SYT9: variants seen among roughly 807,000 people sequenced by gnomAD.
SYT9 encodes the protein synaptotagmin-9.
SYT9 carries 22 observed loss-of-function variants against 48.4 expected under a neutral mutation model. The observed-to-expected ratio is 0.45, with a 90% CI of 0.32 to 0.65. SYT9 has a LOEUF of 0.65. Ranked by LOEUF, SYT9 falls within the 30% of genes least tolerant of loss-of-function variation. The pLI is 0.03. For synonymous variants in SYT9, 265 were observed against 245.0 expected (o/e 1.08, Z -0.76); for missense variants, 577 against 622.0 (o/e 0.93, Z 0.77).
intron 3 of SYT9, among the ~76,000 whole-genome samples, chr11:7,407,167 A>T (rs992720117): frequency 6.6e-6 from 1 of 151,938 alleles, no homozygotes; most frequent in Admixed American, 6.6e-5. Flanking sequence ...CACTCTGTTG[A>T]TTGTTTCCTT....
At chr11:7,362,478 T>C (rs1442805389) in intron 3 of SYT9, among the ~76,000 whole-genome samples, 2 of 152,082 alleles carry the variant, frequency 1.3e-5, no homozygotes, top group Admixed American at 1.3e-4. Context: ...AAATGGTCAC[T>C]GATCATCCTT....
intron 1 of SYT9, among the ~76,000 whole-genome samples, chr11:7,282,841 AC>A (rs1421906508): frequency 6.6e-6 from 1 of 152,100 alleles, no homozygotes; most frequent in Non-Finnish European, 1.5e-5. Context: ...TCTTTAAATT[AC>A]ATTTAACTTC....
rs931505679 is a variant in SYT9, at chr11:7,468,342, G to C, written c.*1542G>C. On this transcript the variant is annotated 3_prime_UTR_variant, in exon 7 of 7. Transcript: ENST00000318881. ...CTACTTTGATGGCAGATCTAAGAAG[G>C]CTATAGGCCTTTGTTTGTAGGAAGC... 2.5e-6 allele frequency: 1 copy of C among 398,502 alleles called. No individual in the cohort carries two copies. Among genetic ancestry groups the C allele is most frequent in the Non-Finnish European group, 4.4e-6 (1 of 226,062 alleles). 24.7% of individuals were successfully genotyped at this position (398,502 alleles called of 1,614,324 possible). A position where few individuals can be genotyped will look rare whatever the true frequency, so the allele number is the denominator to read the frequency against.
In SYT9 at chr11:7,252,420, C is replaced by G; in HGVS notation, c.145+89C>G. On this transcript the variant is annotated intron_variant, in intron 1 of 6. Transcript: ENST00000318881. The surrounding 1 kb of genome is among the most constrained non-coding windows in gnomAD (Gnocchi z 6.3). ...CGGGGCCTGAGGCAGAACAGCGACG[C>G]GGACTGGGAGAGGGCGGGGGGCGGC... is the stretch of plus-strand genomic sequence containing the variant. 7.6e-7 allele frequency: 1 copy of G among 1,314,712 alleles called. No homozygotes were observed. Among genetic ancestry groups the G allele is most frequent in the Non-Finnish European group, 9.7e-7 (1 of 1,026,942 alleles). The allele number at this position is 1,314,712 out of a possible 1,614,324, so 81.4% of individuals were successfully genotyped here.
intron 6 of SYT9, among the ~76,000 whole-genome samples, chr11:7,454,656 C>A (rs906920553): frequency 2.6e-5 from 4 of 152,194 alleles, no homozygotes; most frequent in African/African-American, 9.7e-5. Context: ...CATTGTTATG[C>A]AGAATAACAC....
intron 1 of SYT9, among the ~76,000 whole-genome samples, chr11:7,244,865 A>G (rs1353569066): frequency 6.6e-6 from 1 of 152,226 alleles, no homozygotes; most frequent in Non-Finnish European, 1.5e-5. Flanking sequence ...TGGCATGTTG[A>G]GATGCTGTAA....
chr11:7,415,822 G>A (rs1023348706), intron 3 of SYT9, among the ~76,000 whole-genome samples: 1 of 152,150 alleles, frequency 6.6e-6, no homozygotes, highest in African/African-American at 2.4e-5. Flanking sequence ...TTACAGCTTT[G>A]CCATCCAAAG....
chr11:7,278,825 G>T (rs942766159), intron 1 of SYT9, among the ~76,000 whole-genome samples: 1 of 152,158 alleles, frequency 6.6e-6, no homozygotes, highest in African/African-American at 2.4e-5. Context: ...TAATACTGAT[G>T]AGCACAAATG....
In SYT9 at chr11:7,416,201, T is replaced by C. The variant is rs1225514725; in HGVS notation, c.1165+39T>C. ...AAATTCAGACTTCCTCATGCACTTC[T>C]ACTGTAGTAAGTACCTTATAAAGTT... On this transcript the variant is annotated intron_variant, in intron 4 of 6. Transcript: ENST00000318881. 4 of 1,612,290 alleles carry C rather than the reference T, an allele frequency of 2.5e-6. No individual in the cohort carries two copies. In the African/African-American group the frequency reaches 4.0e-5, roughly 16 times the overall value.
intron 6 of SYT9, among the ~76,000 whole-genome samples, chr11:7,450,756 T>C (rs28626701): frequency 0.17 from 25,851 of 152,160 alleles, 2,660 homozygotes; most frequent in African/African-American, 0.28. Flanking sequence ...CAGTTTAACT[T>C]TTCTTTTCCT....
At chr11:7,390,057 C>T (rs959854140) in intron 3 of SYT9, among the ~76,000 whole-genome samples, 12 of 152,140 alleles carry the variant, frequency 7.9e-5, no homozygotes, top group African/African-American at 2.9e-4. Flanking sequence ...CACAGGTATA[C>T]GTGTGCCATG....
intron 3 of SYT9, among the ~76,000 whole-genome samples, chr11:7,361,016 T>C (rs937683062): frequency 6.6e-6 from 1 of 152,170 alleles, no homozygotes; most frequent in Admixed American, 6.5e-5. Context: ...CTAACATTTC[T>C]AAAAGTTCCT....
chr11:7,320,677 CTTT>C (rs1849321355), intron 3 of SYT9, among the ~76,000 whole-genome samples: 1 of 152,268 alleles, frequency 6.6e-6, no homozygotes, highest in Admixed American at 6.5e-5. Flanking sequence ...TTAAAAAATT[CTTT>C]GTTTCTCCAA....
chr11:7,355,141 C>T (rs1172223417), intron 3 of SYT9, among the ~76,000 whole-genome samples: 1 of 152,230 alleles, frequency 6.6e-6, no homozygotes, highest in Non-Finnish European at 1.5e-5. Flanking sequence ...CTACACCTGA[C>T]TCCACCAGAA....
rs1403227346 is a variant in SYT9 at position 7,398,735 on chromosome 11, G to C, written c.1045-17307G>C. ...TATTCCAAAACTATGAAATCTGCAAGGCTTCAAAATTGAAAACATGTTGAG... is the reference window on the plus strand; with the variant it reads ...TATTCCAAAACTATGAAATCTGCAACGCTTCAAAATTGAAAACATGTTGAG... On this transcript the variant is annotated intron_variant, in intron 3 of 6. Coordinates refer to ENST00000318881, the MANE Select transcript of SYT9 (RefSeq NM_175733.4). 1.3e-5 allele frequency among the ~76,000 whole-genome samples: 2 copies of C among 152,118 alleles called. 1 individual carries two copies. The highest frequency in any genetic ancestry group is 4.1e-4 in the South Asian group (2 of 4,836).
At chr11:7,296,027 AT>A (rs1202860130) in intron 1 of SYT9, among the ~76,000 whole-genome samples, 1 of 152,172 alleles carries the variant, frequency 6.6e-6, no homozygotes, top group Non-Finnish European at 1.5e-5. Flanking sequence ...AAGCCTCAGT[AT>A]TTAGTAACCA....
intron 3 of SYT9, among the ~76,000 whole-genome samples, chr11:7,402,197 A>G (rs1160258612): frequency 6.6e-6 from 1 of 151,948 alleles, no homozygotes; most frequent in East Asian, 1.9e-4. Context: ...CAAAAAATAT[A>G]CTTCATTATA....
intron 3 of SYT9, among the ~76,000 whole-genome samples, chr11:7,370,664 G>A (rs570716258): frequency 2.6e-5 from 4 of 152,132 alleles, no homozygotes; most frequent in Non-Finnish European, 4.4e-5. Context: ...CATGCACAAG[G>A]AAGGTGGGAT....
intron 3 of SYT9, among the ~76,000 whole-genome samples, chr11:7,328,260 G>T (rs1189967748): frequency 6.6e-6 from 1 of 151,620 alleles, no homozygotes; most frequent in Non-Finnish European, 1.5e-5. Context: ...TAACAAGTGA[G>T]ATTAGTATAT....
Sources: gnomAD v4.1 joint callset for allele counts (sites outside exome capture counted in the v4.1 genomes callset) on GRCh38, gnomAD v4.1.1 for gene constraint, Gnocchi (gnomAD v3.1) non-coding constraint, MANE v1.5 for transcripts, NCBI Gene and HGNC (gene_info 2026-07-23, HGNC 2026-07-21) for gene names.